The following DOCK7 variants were observed in gnomAD, a reference collection of about 807,000 sequenced individuals.
DOCK7 encodes dedicator of cytokinesis 7.
Under a neutral mutation model 271.0 loss-of-function variants are expected in DOCK7, and 138 were observed. The observed-to-expected ratio is 0.51, with a 90% confidence interval of 0.44 to 0.59. The LOEUF is 0.59. Ranked by LOEUF, DOCK7 falls within the 20% of genes least tolerant of loss-of-function variation. DOCK7 has a pLI of 0.00. For missense variants in DOCK7, 2,066 were observed against 2,592.4 expected (o/e 0.80, Z 4.41); for synonymous variants, 823 against 876.1 (o/e 0.94, Z 1.07).
chr1:62,483,907 A>T (rs1646215196), intron 43 of DOCK7: 1 of 152,142 alleles, frequency 6.6e-6, no homozygotes, highest in South Asian at 2.1e-4. Context: ...TTAGAGTGTC[A>T]CATTTACCCA....
intron 14 of DOCK7, among the ~76,000 whole-genome samples, chr1:62,613,259 C>T (rs998826470): frequency 1.3e-5 from 2 of 151,984 alleles, no homozygotes; most frequent in Non-Finnish European, 2.9e-5. Context: ...TGATGTAAAC[C>T]CCACTTGTAT....
In DOCK7 at chr1:62,602,375, T is replaced by C. The variant is rs1306328327; in HGVS notation, c.1683-15751A>G. On this transcript the variant is annotated intron_variant, in intron 14 of 49. Coordinates refer to ENST00000635253, the MANE Select transcript of DOCK7 (RefSeq NM_001367561.1). The stretch of plus-strand genomic sequence containing the variant: ...AACTACAAATATGGTTTTGGGAGGC[T>C]TGATGGTAAGGGGACTACATTCAAT... 3.1e-6 allele frequency: 5 copies of C among 1,610,122 alleles called. No individual in the cohort carries two copies. Among genetic ancestry groups the C allele is most frequent in the East Asian group, 2.2e-5 (1 of 44,700 alleles).
intron 49 of DOCK7, among the ~76,000 whole-genome samples, chr1:62,456,642 T>C (rs1272612940): frequency 2.0e-5 from 3 of 151,942 alleles, no homozygotes; most frequent in Admixed American, 6.6e-5. Context: ...AACTCGGATG[T>C]TGTAAGGCAA....
At chr1:62,645,823 CA>C (rs1199469034) in intron 7 of DOCK7, among the ~76,000 whole-genome samples, 1 of 152,132 alleles carries the variant, frequency 6.6e-6, no homozygotes, top group Non-Finnish European at 1.5e-5. Flanking sequence ...GGTGTATCCA[CA>C]CAGTGGAATA....
intron 33 of DOCK7, chr1:62,511,151 A>G (rs1329547266): frequency 6.6e-6 from 1 of 152,406 alleles, no homozygotes; most frequent in Admixed American, 6.6e-5. Context: ...AAGGCCTCCC[A>G]CTCTCCAATA....
At chr1:62,573,434 T>C (rs1646848610) in intron 18 of DOCK7, among the ~76,000 whole-genome samples, 1 of 152,186 alleles carries the variant, frequency 6.6e-6, no homozygotes, top group Non-Finnish European at 1.5e-5. Context: ...AGCAATAGAA[T>C]GAAACCACCT....
chr1:62,525,145 A>G (rs1644969231), intron 31 of DOCK7, among the ~76,000 whole-genome samples: 1 of 150,990 alleles, frequency 6.6e-6, no homozygotes, highest in African/African-American at 2.4e-5. Context: ...AGCTGGGATT[A>G]CAGGCGCCCA....
chr1:62,619,693 T>C (rs1388893003), intron 13 of DOCK7, among the ~76,000 whole-genome samples: 1 of 152,204 alleles, frequency 6.6e-6, no homozygotes, highest in Non-Finnish European at 1.5e-5. Flanking sequence ...TGGGGACTAC[T>C]GCACTCAAAG....
intron 1 of DOCK7, among the ~76,000 whole-genome samples, chr1:62,670,135 G>A (rs1468938962): frequency 2.0e-5 from 3 of 152,228 alleles, no homozygotes; most frequent in African/African-American, 7.2e-5. Flanking sequence ...ACGGGGCAGG[G>A]CTCGGGACCT....
rs1473915394 is a variant in DOCK7, at chr1:62,555,880, T to C, written c.2541A>G (p.Ser847=). 2.5e-6 allele frequency: 4 copies of C among 1,613,826 alleles called. No individual in the cohort carries two copies. The highest frequency in any genetic ancestry group is 3.3e-5 in the Admixed American group (2 of 59,996). The change falls in exon 21 of 50, where the codon TCA becomes TCG. Residue 847 remains serine, a synonymous_variant. Transcript: ENST00000635253. The part of the protein sequence containing the change: ...DQHGRNSLLA[S]YIHYVFRLPN... ...GTAGGCGGAAAACATAATGAATATA[T>C]GATGCAAGAAGGCTGTTTCTGCCAT...
chr1:62,532,523 C>A (rs1174873929), intron 29 of DOCK7, among the ~76,000 whole-genome samples: 1 of 152,066 alleles, frequency 6.6e-6, no homozygotes, highest in Non-Finnish European at 1.5e-5. Flanking sequence ...TTGGTACAGA[C>A]AGGGTCTCAC....
In DOCK7 at chr1:62,513,595, C is replaced by T; in HGVS notation, c.4131G>A (p.Val1377=). ...AGGTCAAGCTATTCATTCGTTCAAA[C>T]ACTTTTTTCCCCTAAAATGTAAACA... ...VSCFEYKGKK[V]FERMNSLTFK... Residue 1377 remains valine (V), a synonymous_variant, in exon 33 of 50, where the codon GTG becomes GTA. Transcript: ENST00000635253. 1 of 1,611,602 alleles carries T rather than the reference C, an allele frequency of 6.2e-7. No individual in the cohort carries two copies. The highest frequency in any genetic ancestry group is 8.5e-7 in the Non-Finnish European group (1 of 1,179,444).
At chr1:62,589,202 C>A (rs1557763677) in intron 14 of DOCK7, among the ~76,000 whole-genome samples, 2 of 152,198 alleles carry the variant, frequency 1.3e-5, no homozygotes. Context: ...ATGCTTGATT[C>A]TTTTCCATTA....
At chr1:62,561,096 T>C (rs866371333) in intron 19 of DOCK7, among the ~76,000 whole-genome samples, 1 of 152,062 alleles carries the variant, frequency 6.6e-6, no homozygotes, top group East Asian at 1.9e-4. Context: ...AGTAATGAGG[T>C]TGCTATGTTT....
At position 62,681,675 on chromosome 1, in the gene DOCK7, G is replaced by A. The variant is rs1046721396; in HGVS notation, c.38+6552C>T. 1.8e-4 allele frequency among the ~76,000 whole-genome samples: 28 copies of A among 151,966 alleles called. 1 individual carries two copies. Among genetic ancestry groups the A allele is most frequent in the Admixed American group, 1.4e-3 (22 of 15,256 alleles). On this transcript the variant is annotated intron_variant, in intron 1 of 49. Coordinates refer to ENST00000635253, the MANE Select transcript of DOCK7 (RefSeq NM_001367561.1). ...TTTGTATAGGAGTGTTCATGGAAACGTTTGTAATAGTAAAAAACTGGAAAC... is the reference window on the plus strand; with the variant it reads ...TTTGTATAGGAGTGTTCATGGAAACATTTGTAATAGTAAAAAACTGGAAAC...
chr1:62,671,396 C>G (rs1659984175), intron 1 of DOCK7, among the ~76,000 whole-genome samples: 1 of 152,164 alleles, frequency 6.6e-6, no homozygotes, highest in South Asian at 2.1e-4. Flanking sequence ...TTGAATGGAA[C>G]AACTTACGAG....
At chr1:62,591,015 T>C (rs1172660762) in intron 14 of DOCK7, among the ~76,000 whole-genome samples, 15 of 152,138 alleles carry the variant, frequency 9.9e-5, no homozygotes, top group Non-Finnish European at 2.1e-4. Context: ...ATATAAATCA[T>C]GCTACTATAA....
intron 33 of DOCK7, among the ~76,000 whole-genome samples, chr1:62,513,058 C>T (rs755584608): frequency 1.5e-4 from 23 of 151,996 alleles, no homozygotes; most frequent in Non-Finnish European, 2.2e-4. Flanking sequence ...GGGGAGGCTA[C>T]GCATACTAAG....
At chr1:62,684,589 T>C (rs1324657454) in intron 1 of DOCK7, among the ~76,000 whole-genome samples, 1 of 152,172 alleles carries the variant, frequency 6.6e-6, no homozygotes, top group Non-Finnish European at 1.5e-5. Context: ...GAGAATGCAG[T>C]AAAAAGTGCT....
Sources: allele counts gnomAD v4.1 joint callset (sites outside exome capture counted in the v4.1 genomes callset), GRCh38; gene constraint gnomAD v4.1.1; transcripts MANE v1.5; gene names NCBI Gene and HGNC (gene_info 2026-07-23, HGNC 2026-07-21).